OR9Q1: variants seen among roughly 807,000 people sequenced by gnomAD.
OR9Q1 encodes olfactory receptor family 9 subfamily Q member 1.
For synonymous variants in OR9Q1, 153 were observed against 148.6 expected (o/e 1.03, Z -0.22); for missense variants, 374 against 378.8 (o/e 0.99, Z 0.11).
chr11:58,143,744 A>G (rs1157828349), intron 2 of OR9Q1, among the ~76,000 whole-genome samples: 1 of 152,098 alleles, frequency 6.6e-6, no homozygotes, highest in Non-Finnish European at 1.5e-5. Flanking sequence ...AAAAAAGCTA[A>G]TGCTTGCTGG....
chr11:58,155,594 C>T (rs1042526561), intron 2 of OR9Q1, among the ~76,000 whole-genome samples: 2 of 152,160 alleles, frequency 1.3e-5, no homozygotes, highest in Non-Finnish European at 2.9e-5. Context: ...GTGTCTTTAA[C>T]TTGGGTCTTC....
chr11:58,172,143 A>G (rs1854561706), intron 2 of OR9Q1, among the ~76,000 whole-genome samples: 1 of 152,164 alleles, frequency 6.6e-6, no homozygotes, highest in Non-Finnish European at 1.5e-5. Flanking sequence ...ATTTCCTTAT[A>G]TGATTAAAAA....
At chr11:58,121,595 T>A (rs569257900) in intron 2 of OR9Q1, among the ~76,000 whole-genome samples, 1 of 152,334 alleles carries the variant, frequency 6.6e-6, no homozygotes, top group South Asian at 2.1e-4. Flanking sequence ...CTTGAACCAT[T>A]TGCCTGGCCT....
chr11:58,096,150 CTT>C (rs200291818), intron 2 of OR9Q1, among the ~76,000 whole-genome samples: 6 of 136,498 alleles, frequency 4.4e-5, no homozygotes, highest in African/African-American at 1.1e-4. Context: ...CTTCCTTTCC[CTT>C]TTTTTTTTTT....
chr11:58,148,816 T>TA (rs1269565189), intron 2 of OR9Q1, among the ~76,000 whole-genome samples: 2 of 152,190 alleles, frequency 1.3e-5, no homozygotes, highest in African/African-American at 4.8e-5. Flanking sequence ...GGAAAGCCGA[T>TA]AGAAGTTGAA....
intron 1 of OR9Q1, among the ~76,000 whole-genome samples, chr11:58,039,220 C>T (rs573107599): frequency 6.4e-4 from 97 of 152,294 alleles, no homozygotes; most frequent in Admixed American, 1.2e-3. Context: ...AACTTGTGAC[C>T]TCAGGTGATC....
intron 1 of OR9Q1, chr11:58,031,043 A>G: frequency 6.2e-7 from 1 of 1,614,122 alleles, no homozygotes; most frequent in Non-Finnish European, 8.5e-7. Flanking sequence ...CCTCTTCTTC[A>G]TACTCTTCCT....
chr11:58,048,760 G>A, intron 1 of OR9Q1, among the ~76,000 whole-genome samples: 1 of 134,124 alleles, frequency 7.5e-6, no homozygotes, highest in Non-Finnish European at 1.6e-5. Context: ...ATGATAAAGG[G>A]GATATCACCA....
Position 58,155,527 on chromosome 11 carries a change from G to T in OR9Q1, c.-14-23904G>T, listed in dbSNP as rs1057219289. ...GAGAGTGAGAATCTCCTTAAATTTT[G>T]TGCTTACCTTGCCTCACCCTGGTCC... On this transcript the variant is annotated intron_variant, in intron 2 of 2. Coordinates refer to ENST00000335397, the MANE Select transcript of OR9Q1 (RefSeq NM_001005212.4). 6.2e-4 allele frequency among the ~76,000 whole-genome samples: 95 copies of T among 152,268 alleles called. 1 individual carries two copies. The highest frequency in any genetic ancestry group is 2.9e-4 in the Non-Finnish European group (20 of 68,022).
intron 1 of OR9Q1, among the ~76,000 whole-genome samples, chr11:58,034,309 G>A (rs1484849172): frequency 6.6e-6 from 1 of 151,602 alleles, no homozygotes; most frequent in African/African-American, 2.4e-5. Context: ...GGATGGTCTC[G>A]ATCTTCTGAC....
rs149842429 is a variant in OR9Q1, at chr11:58,175,988, A to T, written c.-14-3443A>T. On this transcript the variant is annotated intron_variant, in intron 2 of 2. Coordinates refer to ENST00000335397, the MANE Select transcript of OR9Q1 (RefSeq NM_001005212.4). Reference sequence around the variant, plus strand: ...AACATCCCAGGCTTTTGTTTTCTCCATGTGTTCATTTGCATTTAAAGAAAA... The same window carrying T: ...AACATCCCAGGCTTTTGTTTTCTCCTTGTGTTCATTTGCATTTAAAGAAAA... Among the ~76,000 whole-genome samples, 829 of 151,892 alleles carry T rather than the reference A, an allele frequency of 5.5e-3. 5 individuals are homozygous for T. The highest frequency in any genetic ancestry group is 9.3e-3 in the Non-Finnish European group (633 of 67,932).
At chr11:58,070,817 G>A (rs1853480589) in intron 2 of OR9Q1, among the ~76,000 whole-genome samples, 1 of 152,152 alleles carries the variant, frequency 6.6e-6, no homozygotes, top group African/African-American at 2.4e-5. Context: ...CATTCCATCT[G>A]GGTGGACAGT....
chr11:58,087,572 A>C (rs1853645652), intron 2 of OR9Q1, among the ~76,000 whole-genome samples: 2 of 152,006 alleles, frequency 1.3e-5, no homozygotes, highest in African/African-American at 4.8e-5. Flanking sequence ...TCTTACTTTA[A>C]GTTCTGGGAT....
At chr11:58,096,772 C>T (rs1007681870) in intron 2 of OR9Q1, among the ~76,000 whole-genome samples, 5 of 149,042 alleles carry the variant, frequency 3.4e-5, no homozygotes, top group Non-Finnish European at 5.9e-5. Context: ...GGCGCAATCT[C>T]GGCTCACTAC....
At chr11:58,114,515 C>G (rs1853932284) in intron 2 of OR9Q1, among the ~76,000 whole-genome samples, 1 of 152,072 alleles carries the variant, frequency 6.6e-6, no homozygotes, top group African/African-American at 2.4e-5. Flanking sequence ...GAGCTGACTA[C>G]AGGGATATTA....
At chr11:58,150,464 A>C (rs939442582) in intron 2 of OR9Q1, among the ~76,000 whole-genome samples, 1 of 152,316 alleles carries the variant, frequency 6.6e-6, no homozygotes, top group Admixed American at 6.5e-5. Context: ...TTGTTTGTTT[A>C]TTGTTGAGTT....
chr11:58,128,779 A>G (rs1239753384), intron 2 of OR9Q1, among the ~76,000 whole-genome samples: 2 of 152,236 alleles, frequency 1.3e-5, no homozygotes, highest in African/African-American at 2.4e-5. Context: ...TAAAAATTCC[A>G]TATGTCAAAA....
intron 2 of OR9Q1, chr11:58,109,740 G>A (rs990662742): frequency 1.1e-5 from 4 of 368,882 alleles, no homozygotes; most frequent in East Asian, 1.5e-4. Context: ...TTTCTTCAGC[G>A]TCAGATGTTA....
chr11:58,055,193 A>G (rs1033387103), intron 1 of OR9Q1, among the ~76,000 whole-genome samples: 3 of 152,192 alleles, frequency 2.0e-5, no homozygotes, highest in African/African-American at 4.8e-5. Context: ...CCATAGGATT[A>G]TCTTGAAAAT....
Sources: allele counts gnomAD v4.1 joint callset (sites outside exome capture counted in the v4.1 genomes callset), GRCh38; gene constraint gnomAD v4.1.1; transcripts MANE v1.5; gene names NCBI Gene and HGNC (gene_info 2026-07-23, HGNC 2026-07-21).